The following CEP152 variants were observed in gnomAD, a reference collection of about 807,000 sequenced individuals.
The protein encoded by CEP152 is centrosomal protein of 152 kDa.
CEP152 carries 132 observed loss-of-function variants against 188.9 expected under a neutral mutation model. The ratio of observed to expected loss-of-function variants is 0.70; its 90% CI spans 0.61 to 0.81. The LOEUF is 0.81. Among genes scored for constraint, CEP152 ranks in the 30% least tolerant of loss-of-function variants. The pLI is 0.00. For missense variants in CEP152, 1,914 were observed against 1,969.8 expected (o/e 0.97, Z 0.54); for synonymous variants, 649 against 666.6 (o/e 0.97, Z 0.41).
rs146078987 is a variant in CEP152 at position 48,748,540 on chromosome 15, C to T, written c.3537G>A (p.Lys1179=). The change falls in exon 22 of 27, where the codon AAG becomes AAA. Residue 1179 remains lysine, a synonymous_variant. Transcript: ENST00000380950. ...GHCFQELEKA[K]QECQDLKGKL... ...TTCCTTTCAGATCTTGACATTCCTG[C>T]TTTGCCTTTTCAAGTTCTTGGAAGC... is the stretch of plus-strand genomic sequence containing the variant. 2 of 1,534,410 alleles carry T rather than the reference C, an allele frequency of 1.3e-6. No individual in the cohort carries two copies. The highest frequency in any genetic ancestry group is 2.7e-5 in the African/African-American group (2 of 72,876).
Position 48,756,494 on chromosome 15 carries a change from C to A in CEP152, c.2754G>T (p.Arg918Ser), listed in dbSNP as rs1242131680. The A allele has an allele frequency of 6.2e-7, 1 of 1,612,000 alleles. No homozygotes were observed. Among genetic ancestry groups the A allele is most frequent in the Non-Finnish European group, 8.5e-7 (1 of 1,179,846 alleles). The part of the protein sequence containing the change: ...EKWKSELENM[R>S]KNILPGKELE... ...ATTCCTTTCCAGGAAGTATATTTTT[C>A]CTCATATTTTCAAGCTCACTCTTCC... is the stretch of plus-strand genomic sequence containing the variant. The change falls in exon 20 of 27, where the codon AGG (arginine) becomes AGT (serine). Residue 918 changes from arginine to serine, a missense_variant. Transcript: ENST00000380950.
downstream of CEP152, among the ~76,000 whole-genome samples, chr15:48,735,675 C>T (rs1892570414): frequency 6.6e-6 from 1 of 152,060 alleles, no homozygotes; most frequent in Non-Finnish European, 1.5e-5. Context: ...ACGGAGGTTG[C>T]AATGAGCCAA....
chr15:48,794,979 G>A (rs1389371605), intron 6 of CEP152, among the ~76,000 whole-genome samples: 1 of 152,114 alleles, frequency 6.6e-6, no homozygotes, highest in Non-Finnish European at 1.5e-5. Context: ...TTTTCTCTTT[G>A]GTATAGCCCA....
At chr15:48,783,448 G>C (rs2140848510) in intron 10 of CEP152, 1 of 152,116 alleles carries the variant, frequency 6.6e-6, no homozygotes, top group East Asian at 1.9e-4. Flanking sequence ...ATCAAATATT[G>C]GGCCTAAAAA....
At chr15:48,750,087 T>C (rs1174098892) in intron 21 of CEP152, among the ~76,000 whole-genome samples, 2 of 151,876 alleles carry the variant, frequency 1.3e-5, no homozygotes, top group Non-Finnish European at 2.9e-5. Context: ...CAAAATGGAG[T>C]AAAATGTTAA....
chr15:48,805,481 A>C, intron 2 of CEP152, 82 bp downstream of exon 2: 1 of 1,510,430 alleles, frequency 6.6e-7, no homozygotes, highest in Non-Finnish European at 8.9e-7. Context: ...ATGACACAAG[A>C]TGATACAATT....
Position 48,738,667 on chromosome 15 carries a change from A to C in CEP152, c.4715T>G (p.Leu1572Trp), listed in dbSNP as rs1892738505. Reference protein sequence around the residue: ...VKDGGDLSDCLGWPSSSATLS... With the variant: ...VKDGGDLSDCWGWPSSSATLS... ...GGTTGCACTGCTGGAAGGCCAGCCC[A>C]AGCAGTCACTAAGGTCCCCTCCATC... The change falls in exon 27 of 27, where the codon TTG (leucine) becomes TGG (tryptophan). Residue 1572 changes from leucine to tryptophan, a missense_variant. By Grantham distance (61) the Leu-to-Trp change is moderately conservative. Coordinates refer to ENST00000380950, the MANE Select transcript of CEP152 (RefSeq NM_001194998.2). 1 of 1,614,104 alleles carries C rather than the reference A, an allele frequency of 6.2e-7. No individual in the cohort carries two copies. Among genetic ancestry groups the C allele is most frequent in the South Asian group, 1.1e-5 (1 of 91,090 alleles).
chr15:48,792,390 A>G (rs1298592150), intron 7 of CEP152, among the ~76,000 whole-genome samples: 2 of 152,346 alleles, frequency 1.3e-5, no homozygotes, highest in African/African-American at 4.8e-5. Context: ...TGTTATGAGC[A>G]TTACAGAAAG....
intron 10 of CEP152, among the ~76,000 whole-genome samples, chr15:48,782,773 G>A (rs1896339850): frequency 6.6e-6 from 1 of 152,108 alleles, no homozygotes; most frequent in South Asian, 2.1e-4. Context: ...ATTTAAAAGG[G>A]ACATTATTAG....
chr15:48,809,554 T>A (rs1177172760), intron 1 of CEP152, among the ~76,000 whole-genome samples: 7 of 152,228 alleles, frequency 4.6e-5, no homozygotes, highest in Admixed American at 3.9e-4. Flanking sequence ...TGGCTATAAG[T>A]GGTTCTAAGA....
At chr15:48,736,112 G>C (rs1025076895), downstream of CEP152, among the ~76,000 whole-genome samples, 3 of 152,040 alleles carry the variant, frequency 2.0e-5, no homozygotes, top group African/African-American at 7.2e-5. Context: ...ATTATGAATA[G>C]CTCTATAACA....
rs1567022330 is a variant in CEP152 at position 48,791,230 on chromosome 15, T to C, written c.972+7A>G. On this transcript the variant is annotated splice_region_variant and intron_variant, in intron 8 of 26. Transcript: ENST00000380950. ...TTTTTTTACCATACATAAGTTAAAA[T>C]AGGTACCTGTTCTTCATTGACTTTT... 3 of 1,609,230 alleles carry C rather than the reference T, an allele frequency of 1.9e-6. No individual in the cohort carries two copies. Among genetic ancestry groups the C allele is most frequent in the Non-Finnish European group, 2.5e-6 (3 of 1,178,806 alleles).
chr15:48,741,236 C>A lies in CEP152; in HGVS notation c.4093+365G>T. On this transcript the variant is annotated intron_variant, in intron 26 of 26. Coordinates refer to ENST00000380950, the MANE Select transcript of CEP152 (RefSeq NM_001194998.2). ...CCTCAAATTCCTGGGATCAAGGGAT[C>A]CTCCCACCTCAGCCTCCCAAAGTGC... 4 of 1,109,466 alleles carry A rather than the reference C, an allele frequency of 3.6e-6. No individual in the cohort carries two copies. The South Asian group carries it at 6.8e-5, about 19-fold the overall frequency. The allele number at this position is 1,109,466 out of a possible 1,614,324, so 68.7% of individuals were successfully genotyped here.
In CEP152 at chr15:48,772,520, T is replaced by C; in HGVS notation, c.1749A>G (p.Gln583=). Residue 583 remains glutamine (Q), a synonymous_variant, in exon 13 of 27, where the codon CAA becomes CAG. Transcript: ENST00000380950. ...CAATGCTTTTTTCATCCTTCTTCAC[T>C]TGGTGGAGATCTTCAATTTTCTTAT... The part of the protein sequence containing the change: ...DCHKKIEDLH[Q]VKKDEKSIEV... The C allele has an allele frequency of 6.2e-7, 1 of 1,613,680 alleles. No homozygotes were observed. Among genetic ancestry groups the C allele is most frequent in the South Asian group, 1.1e-5 (1 of 91,084 alleles).
At chr15:48,780,216 T>C (rs920987710) in intron 12 of CEP152, among the ~76,000 whole-genome samples, 5 of 152,338 alleles carry the variant, frequency 3.3e-5, no homozygotes, top group African/African-American at 1.2e-4. Context: ...TGCTTCCTTC[T>C]GGATAGCAGT....
At chr15:48,774,705 C>CTG (rs3074974) in intron 12 of CEP152, among the ~76,000 whole-genome samples, 47,556 of 151,964 alleles carry the variant, frequency 0.31, 9,973 homozygotes, top group East Asian at 0.63. Flanking sequence ...GAGAACCAAA[C>CTG]AGATTTAAAA....
At position 48,805,548 on chromosome 15, in the gene CEP152, T is replaced by C; in HGVS notation, c.87+15A>G. ...GGTTTAGTGTCTCTTTTTTTTTTTT[T>C]TTTTAACAACTTACCTCTTTCTCTC... On this transcript the variant is annotated intron_variant, in intron 2 of 26. Transcript: ENST00000380950. The C allele has an allele frequency of 6.3e-7, 1 of 1,587,194 alleles. No homozygotes were observed. The highest frequency in any genetic ancestry group is 8.5e-7 in the Non-Finnish European group (1 of 1,173,628).
Position 48,756,433 on chromosome 15 carries a change from C to G in CEP152, c.2815G>C (p.Glu939Gln). 6.2e-7 allele frequency: 1 copy of G among 1,613,780 alleles called. No homozygotes were observed. The highest frequency in any genetic ancestry group is 8.5e-7 in the Non-Finnish European group (1 of 1,179,878). Residue 939 changes from glutamate (E) to glutamine (Q), a missense_variant, in exon 20 of 27, where the codon GAG becomes CAG. Coordinates refer to ENST00000380950, the MANE Select transcript of CEP152 (RefSeq NM_001194998.2). ...ACAGGGACTTCTTCGTTCTTTAACTCAAGTTCCTTCTGAAGAGAATGAATC... is the reference window on the plus strand; with the variant it reads ...ACAGGGACTTCTTCGTTCTTTAACTGAAGTTCCTTCTGAAGAGAATGAATC... ...EKIHSLQKELELKNEEVPVVI... is the reference protein window; with the variant it reads ...EKIHSLQKELQLKNEEVPVVI...
rs945108502 is a variant in CEP152, at chr15:48,756,217, G to C, written c.3031C>G (p.Gln1011Glu). 3 of 1,612,764 alleles carry C rather than the reference G, an allele frequency of 1.9e-6. No homozygotes were observed. The highest frequency in any genetic ancestry group is 2.5e-6 in the Non-Finnish European group (3 of 1,179,272). The change falls in exon 20 of 27, where the codon CAG becomes GAG. Residue 1011 changes from glutamine (Q) to glutamate (E), a missense_variant. Transcript: ENST00000380950. ...CAAGTTTGTAATTCTGTCTCCTTCT[G>C]AAGAAGTAGTTCAGTTTTTTGTTTC... is the stretch of plus-strand genomic sequence containing the variant. Reference protein sequence around the residue: ...FMKQKTELLLQKETELQTCLD... With the variant: ...FMKQKTELLLEKETELQTCLD...
Sources: allele counts gnomAD v4.1 joint callset (sites outside exome capture counted in the v4.1 genomes callset), GRCh38; gene constraint gnomAD v4.1.1; transcripts MANE v1.5; gene names NCBI Gene and HGNC (gene_info 2026-07-23, HGNC 2026-07-21).